CLN8: variants seen among roughly 807,000 people sequenced by gnomAD.
CLN8 encodes the protein CLN8 transmembrane ER and ERGIC protein.
Under a neutral mutation model 15.7 loss-of-function variants are expected in CLN8, and 14 were observed. That is an observed-to-expected ratio of 0.89 (90% CI 0.59 to 1.39). The LOEUF (loss-of-function observed/expected upper bound fraction) is 1.39, where lower values mean the gene tolerates loss of function less well. CLN8 is among the 40% of genes most tolerant of loss of function. The probability of loss-of-function intolerance (pLI) is 0.00; values close to 1 mark genes in which losing one functional copy is unlikely to be tolerated. For synonymous variants in CLN8, 188 were observed against 151.0 expected (o/e 1.25, Z -1.80); for missense variants, 415 against 364.0 (o/e 1.14, Z -1.14).
intron 1 of CLN8, 106 bp downstream of exon 1, chr8:1,763,991 C>T (rs1297455312): frequency 1.3e-5 from 1 of 77,120 alleles, no homozygotes; most frequent in South Asian, 5.5e-4. Flanking sequence ...AGGTGAGGGG[C>T]AGCCCAGGTG....
intron 2 of CLN8, among the ~76,000 whole-genome samples, chr8:1,771,902 C>G (rs1167218676): frequency 6.7e-6 from 1 of 150,340 alleles, no homozygotes; most frequent in African/African-American, 2.5e-5. Flanking sequence ...TCTGGAAGCA[C>G]TTAATTTTTT....
chr8:1,780,759 A>G lies in CLN8; in HGVS notation c.*192A>G, dbSNP rs2129015430. 1 of 645,046 alleles carries G rather than the reference A, an allele frequency of 1.6e-6. No homozygotes were observed. Among genetic ancestry groups the G allele is most frequent in the South Asian group, 2.0e-5 (1 of 49,410 alleles). 40.0% of individuals were successfully genotyped at this position (645,046 alleles called of 1,614,324 possible). A position where few individuals can be genotyped will look rare whatever the true frequency, so the allele number is the denominator to read the frequency against. On this transcript the variant is annotated 3_prime_UTR_variant, in exon 3 of 3. Transcript: ENST00000331222. ...AGTATTTTTAAGAAATTATAATTTT[A>G]TGACTGTCTGGCAGGCTCTGTCAGT...
Position 1,780,372 on chromosome 8 carries a change from G to A in CLN8, c.666G>A (p.Leu222=), listed in dbSNP as rs532934034. 9.9e-6 allele frequency: 16 copies of A among 1,614,222 alleles called. No individual in the cohort carries two copies. In the Admixed American group the frequency reaches 1.3e-4, roughly 13 times the overall value. The change falls in exon 3 of 3, where the codon CTG becomes CTA. Residue 222 remains leucine (L), a synonymous_variant. Coordinates refer to ENST00000331222, the MANE Select transcript of CLN8 (RefSeq NM_018941.4). ...TGTGTTTCTGGCACTGGGACGGCCT[G>A]GTCAGCAGCCTGTATCTGCCTCATT... ...WWVCFWHWDG[L]VSSLYLPHLT... is the part of the protein sequence containing the mutation.
At chr8:1,779,612 A>G (rs1484951912) in intron 2 of CLN8, among the ~76,000 whole-genome samples, 1 of 152,214 alleles carries the variant, frequency 6.6e-6, no homozygotes, top group Admixed American at 6.5e-5. Context: ...GCAGACTGCC[A>G]TAGACTAGGC....
At chr8:1,758,790 G>A (rs1253648813), upstream of CLN8, 1 of 152,134 alleles carries the variant, frequency 6.6e-6, no homozygotes, top group Non-Finnish European at 1.5e-5. Flanking sequence ...GAATAGAAAG[G>A]ATTGTCTGGG....
At chr8:1,754,420 C>T (rs989826670), upstream of CLN8, among the ~76,000 whole-genome samples, 6 of 152,220 alleles carry the variant, frequency 3.9e-5, no homozygotes, top group African/African-American at 1.2e-4. Flanking sequence ...TCCCTCTCCA[C>T]TGGGTCTCTT....
At chr8:1,772,018 C>T (rs962396556) in intron 2 of CLN8, among the ~76,000 whole-genome samples, 3 of 152,138 alleles carry the variant, frequency 2.0e-5, no homozygotes, top group South Asian at 4.1e-4. Flanking sequence ...TCACTGCAAC[C>T]TCCGCCTCCT....
chr8:1,761,545 G>C (rs1413364845), upstream of CLN8, among the ~76,000 whole-genome samples: 1 of 152,194 alleles, frequency 6.6e-6, no homozygotes, highest in Non-Finnish European at 1.5e-5. Context: ...GGCTGGTCTT[G>C]AACTTCTGAC....
chr8:1,780,594 C>A lies in CLN8; in HGVS notation c.*27C>A. The A allele has an allele frequency of 3.7e-6, 6 of 1,608,620 alleles. No individual in the cohort carries two copies. Among genetic ancestry groups the A allele is most frequent in the Non-Finnish European group, 5.1e-6 (6 of 1,176,032 alleles). ...TGCTCCAGCCGGGGCTCCGGGGCGG[C>A]AGCAGAGCTGGCACACCGATTCTGG... is the stretch of plus-strand genomic sequence containing the variant. On this transcript the variant is annotated 3_prime_UTR_variant, in exon 3 of 3. Transcript: ENST00000331222.
intron 2 of CLN8, among the ~76,000 whole-genome samples, chr8:1,771,828 C>A (rs1801319894): frequency 6.6e-6 from 1 of 152,022 alleles, no homozygotes; most frequent in South Asian, 2.1e-4. Flanking sequence ...AATTTTAAGT[C>A]TTTTAGGCTT....
At chr8:1,766,161 A>G (rs1188165884) in intron 1 of CLN8, among the ~76,000 whole-genome samples, 2 of 152,166 alleles carry the variant, frequency 1.3e-5, no homozygotes, top group East Asian at 1.9e-4. Flanking sequence ...GCCCAGTGCA[A>G]TAGAAGAGCT....
Position 1,780,702 on chromosome 8 carries a change from T to C in CLN8, c.*135T>C. The C allele has an allele frequency of 1.3e-6, 1 of 762,744 alleles. No homozygotes were observed. Among genetic ancestry groups the C allele is most frequent in the South Asian group, 1.8e-5 (1 of 56,396 alleles). 47.2% of individuals were successfully genotyped at this position (762,744 alleles called of 1,614,324 possible). The stretch of plus-strand genomic sequence containing the variant: ...TTCTAAGGGAAATACTAACTTTCTT[T>C]CGCATTAGTATTAATTTTGAAGTAG... On this transcript the variant is annotated 3_prime_UTR_variant, in exon 3 of 3. Coordinates refer to ENST00000331222, the MANE Select transcript of CLN8 (RefSeq NM_018941.4).
intron 2 of CLN8, among the ~76,000 whole-genome samples, chr8:1,776,070 G>A (rs947524235): frequency 3.3e-5 from 5 of 152,168 alleles, no homozygotes; most frequent in Non-Finnish European, 5.9e-5. Flanking sequence ...AGGGGCACAC[G>A]TGGGTGGTGG....
upstream of CLN8, chr8:1,760,353 G>A (rs922491527): frequency 6.6e-6 from 1 of 152,168 alleles, no homozygotes; most frequent in African/African-American, 2.4e-5. Flanking sequence ...ACTTGTGGGT[G>A]GCAGGGCGGG....
chr8:1,760,925 G>A (rs1194166450), upstream of CLN8, among the ~76,000 whole-genome samples: 1 of 151,508 alleles, frequency 6.6e-6, no homozygotes, highest in Admixed American at 6.6e-5. Context: ...GGCTGGCAGT[G>A]TGACAAGATC....
upstream of CLN8, chr8:1,763,755 AACGCGCGTGCGCG>A (rs1800914211): frequency 6.8e-6 from 1 of 146,758 alleles, no homozygotes; most frequent in Non-Finnish European, 1.5e-5. Flanking sequence ...CGCGCGTGCG[AACGCGCGTGCGCG>A]GGCGGTGTTT....
At chr8:1,775,896 A>G (rs553054317) in intron 2 of CLN8, among the ~76,000 whole-genome samples, 38 of 152,358 alleles carry the variant, frequency 2.5e-4, no homozygotes, top group Middle Eastern at 6.8e-3. Flanking sequence ...GGGTCATAAC[A>G]AAGACGATTC....
chr8:1,755,437 C>T (rs569763598), upstream of CLN8, among the ~76,000 whole-genome samples: 1 of 152,290 alleles, frequency 6.6e-6, no homozygotes, highest in Non-Finnish European at 1.5e-5. Context: ...CCCACACAGA[C>T]CCCTCCCCAC....
intron 2 of CLN8, among the ~76,000 whole-genome samples, chr8:1,778,422 G>T (rs755962624): frequency 5.3e-5 from 8 of 152,192 alleles, no homozygotes; most frequent in Non-Finnish European, 1.2e-4. Context: ...CTGGTCTGTG[G>T]GTTTCTCCCC....
Sources: gnomAD v4.1 joint callset for allele counts (sites outside exome capture counted in the v4.1 genomes callset) on GRCh38, gnomAD v4.1.1 for gene constraint, MANE v1.5 for transcripts, NCBI Gene and HGNC (gene_info 2026-07-23, HGNC 2026-07-21) for gene names.